Variants in SETD3 observed in about 807,000 individuals in gnomAD.
SETD3 encodes the protein actin-histidine N-methyltransferase.
A neutral mutation model predicts 63.0 loss-of-function variants in SETD3; 19 were observed. That is an observed-to-expected ratio of 0.30 (90% CI 0.21 to 0.44). SETD3 has a LOEUF of 0.44. SETD3 is among the 20% of genes least tolerant of loss of function. The pLI is 1.00. For synonymous variants in SETD3, 286 were observed against 264.1 expected, an observed-to-expected ratio of 1.08 and a Z score of -0.80; for missense variants, 587 against 728.5, an observed-to-expected ratio of 0.81 and a Z score of 2.24.
intron 8 of SETD3, among the ~76,000 whole-genome samples, chr14:99,407,615 C>T (rs1891756240): frequency 1.3e-5 from 2 of 152,132 alleles, no homozygotes; most frequent in South Asian, 4.1e-4. Context: ...GCGGCTCACG[C>T]TTCCCTCCAG....
At chr14:99,465,559 C>A in intron 2 of SETD3, 144 bp downstream of exon 2, 1 of 606,434 alleles carries the variant, frequency 1.6e-6, no homozygotes, top group Admixed American at 3.1e-5. Flanking sequence ...AGCCTGGGAA[C>A]CTCTGTGACT....
intron 6 of SETD3, among the ~76,000 whole-genome samples, chr14:99,446,878 C>T (rs190899524): frequency 1.8e-4 from 27 of 152,188 alleles, no homozygotes; most frequent in African/African-American, 6.5e-4. Flanking sequence ...CACCAGTGTA[C>T]ACTAGGGGCA....
chr14:99,410,175 T>G, intron 8 of SETD3: 1 of 1,611,948 alleles, frequency 6.2e-7, no homozygotes, highest in Non-Finnish European at 8.5e-7. Flanking sequence ...TGGAGGGTCT[T>G]AGGCAGAGGC....
intron 6 of SETD3, among the ~76,000 whole-genome samples, chr14:99,454,790 C>T (rs1356055133): frequency 3.9e-5 from 6 of 152,170 alleles, no homozygotes; most frequent in South Asian, 2.1e-4. Flanking sequence ...TGATTTCAGC[C>T]CGAGCAGGCT....
intron 6 of SETD3, among the ~76,000 whole-genome samples, chr14:99,416,747 C>T (rs1009804527): frequency 5.9e-5 from 9 of 152,166 alleles, no homozygotes; most frequent in Non-Finnish European, 1.2e-4. Flanking sequence ...AAACTAGCCA[C>T]GGATTTTCTC....
rs1316240691 is a variant in SETD3 at position 99,400,213 on chromosome 14, G to T, written c.1224C>A (p.Ile408=). Reference sequence around the variant, plus strand: ...GAAATTCCGAGTTCCCCAAGGTGAAGATTCTATCAATAGCGCTGTCTCCCA... The same window carrying T: ...GAAATTCCGAGTTCCCCAAGGTGAATATTCTATCAATAGCGCTGTCTCCCA... ...HLLGDSAIDR[I]FTLGNSEFPV... The change falls in exon 12 of 13, where the codon ATC becomes ATA. Residue 408 remains isoleucine (I), a synonymous_variant. Transcript: ENST00000331768. 4.3e-6 allele frequency: 7 copies of T among 1,614,148 alleles called. No homozygotes were observed. In the Middle Eastern group the frequency reaches 4.9e-4, roughly 114 times the overall value.
At chr14:99,404,370 T>G in intron 10 of SETD3, 60 bp from the exon 11 acceptor site, 1 of 1,466,010 alleles carries the variant, frequency 6.8e-7, no homozygotes, top group Non-Finnish European at 9.6e-7. Flanking sequence ...TGCTCCAAAC[T>G]GAGATTCCTT....
chr14:99,479,382 G>A (rs1896140037), intron 1 of SETD3, among the ~76,000 whole-genome samples: 1 of 152,218 alleles, frequency 6.6e-6, no homozygotes, highest in African/African-American at 2.4e-5. Flanking sequence ...ATCCAGTACT[G>A]CTGGACTTTC....
chr14:99,467,288 G>A (rs529406623), intron 1 of SETD3, among the ~76,000 whole-genome samples: 1 of 152,274 alleles, frequency 6.6e-6, no homozygotes, highest in East Asian at 1.9e-4. Flanking sequence ...GCAATACAAG[G>A]AATTTTTTTT....
chr14:99,428,914 G>A (rs573589608), intron 6 of SETD3, among the ~76,000 whole-genome samples: 113 of 152,258 alleles, frequency 7.4e-4, no homozygotes, highest in African/African-American at 2.7e-3. Flanking sequence ...AGACCCTGCA[G>A]CAGACAGCCC....
At chr14:99,423,586 T>TG in intron 6 of SETD3, among the ~76,000 whole-genome samples, 1 of 9,888 alleles carries the variant, frequency 1.0e-4, no homozygotes, top group African/African-American at 3.0e-4. Context: ...AGCACTGTTA[T>TG]GCAAAAAAAA....
chr14:99,448,311 C>T (rs1459995340), intron 6 of SETD3, among the ~76,000 whole-genome samples: 1 of 152,134 alleles, frequency 6.6e-6, no homozygotes, highest in Non-Finnish European at 1.5e-5. Flanking sequence ...TCCACTGTCA[C>T]AGTGGCAGTG....
chr14:99,480,362 C>A (rs1386857434), intron 1 of SETD3, among the ~76,000 whole-genome samples: 1 of 151,960 alleles, frequency 6.6e-6, no homozygotes, highest in Non-Finnish European at 1.5e-5. Context: ...GCGGGGCAAG[C>A]TCGGGGAGAG....
At chr14:99,481,381 A>C (rs866376702), upstream of SETD3, 1 of 398,560 alleles carries the variant, frequency 2.5e-6, no homozygotes, top group South Asian at 1.3e-4. Flanking sequence ...GTGGCGTCTC[A>C]GGACGCAGCG....
At position 99,400,081 on chromosome 14, in the gene SETD3, T is replaced by A; in HGVS notation, c.1338+18A>T. 2 of 1,587,950 alleles carry A rather than the reference T, an allele frequency of 1.3e-6. No homozygotes were observed. The highest frequency in any genetic ancestry group is 1.7e-6 in the Non-Finnish European group (2 of 1,165,546). The stretch of plus-strand genomic sequence containing the variant: ...ACAACACAACAAGTTCAAAACCTCA[T>A]TTATTTAGTGTAATTACCTCAATAG... On this transcript the variant is annotated intron_variant, in intron 12 of 12. Transcript: ENST00000331768.
intron 6 of SETD3, among the ~76,000 whole-genome samples, chr14:99,453,843 C>T (rs1278493847): frequency 6.6e-6 from 1 of 151,908 alleles, no homozygotes; most frequent in East Asian, 1.9e-4. Flanking sequence ...AAAAAAAGCT[C>T]ATTATTGTGT....
intron 6 of SETD3, among the ~76,000 whole-genome samples, chr14:99,425,976 G>A (rs1171241348): frequency 6.6e-6 from 1 of 152,080 alleles, no homozygotes; most frequent in African/African-American, 2.4e-5. Context: ...AAAACAAGCT[G>A]TTGTATTAAC....
At chr14:99,408,691 T>A (rs1891813595) in intron 8 of SETD3, among the ~76,000 whole-genome samples, 1 of 152,242 alleles carries the variant, frequency 6.6e-6, no homozygotes, top group Non-Finnish European at 1.5e-5. Context: ...GCAAACAGGC[T>A]GGGATCCTGC....
intron 4 of SETD3, among the ~76,000 whole-genome samples, chr14:99,459,992 A>T (rs372224137): frequency 6.6e-6 from 1 of 152,226 alleles, no homozygotes; most frequent in Admixed American, 6.5e-5. Flanking sequence ...CATAGTGAGG[A>T]AAGTCCACAG....
Sources: allele counts gnomAD v4.1 joint callset (sites outside exome capture counted in the v4.1 genomes callset), GRCh38; gene constraint gnomAD v4.1.1; transcripts MANE v1.5; gene names NCBI Gene and HGNC (gene_info 2026-07-23, HGNC 2026-07-21).